Variants in PRKCH observed in about 807,000 individuals in gnomAD.
The protein encoded by PRKCH is protein kinase C eta.
A neutral mutation model predicts 82.5 loss-of-function variants in PRKCH; 28 were observed. The observed-to-expected ratio is 0.34, with a 90% CI of 0.25 to 0.47. The LOEUF is 0.47. Ranked by LOEUF, PRKCH falls within the 20% of genes least tolerant of loss-of-function variation. The pLI, the probability that PRKCH is intolerant of heterozygous loss-of-function variation, is 1.00. For synonymous variants in PRKCH, 322 were observed against 327.4 expected (o/e 0.98, Z 0.18); for missense variants, 705 against 881.8 (o/e 0.80, Z 2.54).
chr14:61,331,168 G>A (rs1566823976), intron 1 of PRKCH, among the ~76,000 whole-genome samples: 1 of 151,616 alleles, frequency 6.6e-6, no homozygotes, highest in African/African-American at 2.4e-5. Context: ...TACTTACTTA[G>A]ATTTATTTAG....
At chr14:61,399,799 G>T (rs766279201) in intron 2 of PRKCH, among the ~76,000 whole-genome samples, 12 of 151,918 alleles carry the variant, frequency 7.9e-5, no homozygotes, top group Non-Finnish European at 1.5e-4. Flanking sequence ...AAACATAAAG[G>T]TATTCTATTT....
At chr14:61,491,715 T>C (rs1594759144) in intron 10 of PRKCH, among the ~76,000 whole-genome samples, 1 of 152,210 alleles carries the variant, frequency 6.6e-6, no homozygotes, top group South Asian at 2.1e-4. Flanking sequence ...GTGAAACTCA[T>C]CAGCCACTGT....
intron 12 of PRKCH, among the ~76,000 whole-genome samples, chr14:61,535,499 T>A (rs2043095824): frequency 6.6e-6 from 1 of 152,062 alleles, no homozygotes; most frequent in Non-Finnish European, 1.5e-5. Context: ...GCAGAGGTCT[T>A]GAGAAAGGAG....
chr14:61,251,819 A>G (rs1000420015), intron 1 of PRKCH, among the ~76,000 whole-genome samples: 26 of 152,020 alleles, frequency 1.7e-4, no homozygotes, highest in African/African-American at 5.8e-4. Flanking sequence ...ATTCCCAACA[A>G]AACTGTATAA....
intron 10 of PRKCH, among the ~76,000 whole-genome samples, chr14:61,488,186 G>A (rs1348570078): frequency 6.6e-6 from 1 of 152,026 alleles, no homozygotes; most frequent in African/African-American, 2.4e-5. Flanking sequence ...CGGCAGGCAT[G>A]GTGGCATGCA....
chr14:61,487,630 T>C (rs1886282933), intron 10 of PRKCH, among the ~76,000 whole-genome samples: 1 of 152,102 alleles, frequency 6.6e-6, no homozygotes, highest in African/African-American at 2.4e-5. Flanking sequence ...AAACTACATG[T>C]AAGTAATGAC....
At chr14:61,315,988 T>G (rs1415166992) in intron 1 of PRKCH, among the ~76,000 whole-genome samples, 1 of 152,168 alleles carries the variant, frequency 6.6e-6, no homozygotes, top group Non-Finnish European at 1.5e-5. Context: ...CCTCAGGTGA[T>G]CCACCTGCCT....
intron 2 of PRKCH, among the ~76,000 whole-genome samples, chr14:61,392,772 G>T (rs2046704085): frequency 6.6e-6 from 1 of 150,500 alleles, no homozygotes; most frequent in Non-Finnish European, 1.5e-5. Context: ...ATCTTTTGTA[G>T]TTCATATGTT....
intron 1 of PRKCH, among the ~76,000 whole-genome samples, chr14:61,265,467 C>A (rs2045091240): frequency 6.6e-6 from 1 of 152,126 alleles, no homozygotes; most frequent in Admixed American, 6.5e-5. Context: ...CGTGACAGAG[C>A]ATAACCTTGT....
At chr14:61,236,715 A>AC (rs1336250514) in intron 1 of PRKCH, among the ~76,000 whole-genome samples, 2 of 145,348 alleles carry the variant, frequency 1.4e-5, no homozygotes, top group Non-Finnish European at 3.0e-5. Context: ...CAAAACAAAA[A>AC]AAAAAAAAAA....
At chr14:61,379,700 T>C (rs1425243675) in intron 1 of PRKCH, among the ~76,000 whole-genome samples, 6 of 152,206 alleles carry the variant, frequency 3.9e-5, no homozygotes, top group African/African-American at 1.4e-4. Context: ...GACCACTGTC[T>C]CTAGGCAACC....
chr14:61,548,556 G>A (rs1357413893), intron 13 of PRKCH, among the ~76,000 whole-genome samples: 1 of 152,196 alleles, frequency 6.6e-6, no homozygotes, highest in Non-Finnish European at 1.5e-5. Flanking sequence ...CAAGGCTAGC[G>A]ATAGATCAAG....
intron 2 of PRKCH, among the ~76,000 whole-genome samples, chr14:61,419,011 A>G (rs1882698850): frequency 1.3e-5 from 2 of 152,116 alleles, no homozygotes; most frequent in African/African-American, 4.8e-5. Context: ...AGTTATTTAG[A>G]TCCTACACTG....
chr14:61,263,613 C>G (rs957504554), intron 1 of PRKCH, among the ~76,000 whole-genome samples: 6 of 152,144 alleles, frequency 3.9e-5, no homozygotes, highest in African/African-American at 1.4e-4. Flanking sequence ...AGCCATATCT[C>G]TATCTATACC....
chr14:61,247,703 T>C (rs1277624683), intron 1 of PRKCH, among the ~76,000 whole-genome samples: 2 of 112,904 alleles, frequency 1.8e-5, no homozygotes, highest in African/African-American at 6.9e-5. Context: ...ACCACTGCAT[T>C]CCAGCTTGAG....
chr14:61,519,318 A>AATGC (rs1414002671), intron 10 of PRKCH, among the ~76,000 whole-genome samples: 2 of 147,910 alleles, frequency 1.4e-5, no homozygotes, highest in Admixed American at 6.6e-5. Context: ...TGAATGAATG[A>AATGC]ATAAATAAAA....
At chr14:61,278,846 T>C (rs2045227088) in intron 1 of PRKCH, 1 of 152,220 alleles carries the variant, frequency 6.6e-6, no homozygotes, top group Non-Finnish European at 1.5e-5. Flanking sequence ...CTAGTTTACA[T>C]ATAAGACTAT....
intron 10 of PRKCH, among the ~76,000 whole-genome samples, chr14:61,498,524 C>T (rs1886762346): frequency 6.6e-6 from 1 of 152,156 alleles, no homozygotes; most frequent in Non-Finnish European, 1.5e-5. Flanking sequence ...ATAATAAATA[C>T]CACAGACTGG....
chr14:61,494,257 C>T (rs1230895035), intron 10 of PRKCH, among the ~76,000 whole-genome samples: 1 of 152,098 alleles, frequency 6.6e-6, no homozygotes, highest in Non-Finnish European at 1.5e-5. Context: ...AGGACAGAAC[C>T]CTGGGGAACC....
Sources: allele counts gnomAD v4.1 joint callset (sites outside exome capture counted in the v4.1 genomes callset), GRCh38; gene constraint gnomAD v4.1.1; transcripts MANE v1.5; gene names NCBI Gene and HGNC (gene_info 2026-07-23, HGNC 2026-07-21).